PLCL1: variants seen among roughly 807,000 people sequenced by gnomAD.
PLCL1 encodes inactive phospholipase C-like protein 1.
In PLCL1, 41 loss-of-function variants were observed where a neutral mutation model predicts 84.4. That is an observed-to-expected ratio of 0.49 (90% CI 0.38 to 0.63). PLCL1 has a LOEUF of 0.63. Among genes scored for constraint, PLCL1 ranks in the 30% least tolerant of loss-of-function variants. PLCL1 has a pLI of 0.00. For missense variants in PLCL1, 1,206 were observed against 1,367.8 expected, an observed-to-expected ratio of 0.88 and a Z score of 1.87; for synonymous variants, 490 against 488.3, an observed-to-expected ratio of 1.00 and a Z score of -0.05.
intron 1 of PLCL1, among the ~76,000 whole-genome samples, chr2:197,807,826 G>C (rs79298086): frequency 2.6e-5 from 4 of 152,154 alleles, no homozygotes; most frequent in Non-Finnish European, 4.4e-5. Context: ...CCACTGAAAG[G>C]TTGTGAATCA....
intron 1 of PLCL1, among the ~76,000 whole-genome samples, chr2:197,918,969 C>CACACACA (rs1369678298): frequency 6.8e-6 from 1 of 146,868 alleles, no homozygotes; most frequent in African/African-American, 2.5e-5. Flanking sequence ...TCTCTCTCTC[C>CACACACA]CTCACACACA....
chr2:198,088,780 CT>C (rs1431264156), intron 2 of PLCL1, 77 bp from the exon 3 acceptor site: 2 of 853,132 alleles, frequency 2.3e-6, no homozygotes, highest in Non-Finnish European at 2.1e-6. Context: ...AATGAATGTA[CT>C]TTTCTGTAAA....
rs137914944 is a variant in PLCL1, at chr2:197,927,328, G to A, written c.240+121989G>A. The stretch of plus-strand genomic sequence containing the variant: ...ATGTCATTTAATGTTATTTAATTCT[G>A]TCTCCATTCATTGCTTTAACTCATC... On this transcript the variant is annotated intron_variant, in intron 1 of 5. Transcript: ENST00000428675. 4.6e-5 allele frequency among the ~76,000 whole-genome samples: 7 copies of A among 152,280 alleles called. No individual in the cohort carries two copies. In the South Asian group the frequency reaches 1.4e-3, roughly 32 times the overall value.
intron 1 of PLCL1, among the ~76,000 whole-genome samples, chr2:198,067,907 T>C (rs941276523): frequency 1.1e-4 from 16 of 152,242 alleles, no homozygotes; most frequent in Non-Finnish European, 2.2e-4. Context: ...AAAGTAATAA[T>C]GAACACAGTC....
intron 1 of PLCL1, among the ~76,000 whole-genome samples, chr2:197,958,361 TA>T (rs35333689): frequency 1.1e-4 from 17 of 149,930 alleles, no homozygotes; most frequent in Non-Finnish European, 2.1e-4. Context: ...GCTTATGAGC[TA>T]AAAAAAAAGA....
chr2:197,912,976 A>G (rs1455775832), intron 1 of PLCL1, among the ~76,000 whole-genome samples: 1 of 152,070 alleles, frequency 6.6e-6, no homozygotes, highest in Non-Finnish European at 1.5e-5. Context: ...AAAAAAAAGA[A>G]AAATGAAAAG....
At chr2:197,881,343 T>C (rs1687824084) in intron 1 of PLCL1, among the ~76,000 whole-genome samples, 1 of 152,172 alleles carries the variant, frequency 6.6e-6, no homozygotes, top group Non-Finnish European at 1.5e-5. Flanking sequence ...ATCTCTGTTA[T>C]AGGGGGACAG....
At chr2:198,091,026 T>C (rs1438170016) in intron 3 of PLCL1, among the ~76,000 whole-genome samples, 2 of 152,218 alleles carry the variant, frequency 1.3e-5, no homozygotes, top group Non-Finnish European at 2.9e-5. Context: ...TTTTCAAAGA[T>C]TAAAATAAAA....
At chr2:198,098,177 A>C (rs548097116) in intron 3 of PLCL1, among the ~76,000 whole-genome samples, 1 of 152,308 alleles carries the variant, frequency 6.6e-6, no homozygotes, top group Non-Finnish European at 1.5e-5. Flanking sequence ...CAGTGTTCTG[A>C]AAAGGAGAGG....
rs115063669 is a variant in PLCL1, at chr2:197,898,260, C to T, written c.240+92921C>T. Among the ~76,000 whole-genome samples the T allele has an allele frequency of 2.7e-3, 407 of 152,234 alleles. 2 individuals carry two copies. Among genetic ancestry groups the T allele is most frequent in the Admixed American group, 4.3e-3 (66 of 15,302 alleles). On this transcript the variant is annotated intron_variant, in intron 1 of 5. Transcript: ENST00000428675. Reference sequence around the variant, plus strand: ...TGGGGGCCTTCTTGCCTTAACTATGCCATGAGGTAGGTTACTGGGCTCAAG... The same window carrying T: ...TGGGGGCCTTCTTGCCTTAACTATGTCATGAGGTAGGTTACTGGGCTCAAG...
intron 1 of PLCL1, among the ~76,000 whole-genome samples, chr2:197,858,146 GA>G (rs1395127450): frequency 6.6e-6 from 1 of 152,134 alleles, no homozygotes; most frequent in Non-Finnish European, 1.5e-5. Context: ...AGGTCAAAAT[GA>G]ATATGTGATC....
At chr2:198,064,776 T>G (rs959753452) in intron 1 of PLCL1, among the ~76,000 whole-genome samples, 3 of 152,192 alleles carry the variant, frequency 2.0e-5, no homozygotes, top group Non-Finnish European at 4.4e-5. Flanking sequence ...GTACTTCTTC[T>G]ATAGGATTTT....
intron 1 of PLCL1, among the ~76,000 whole-genome samples, chr2:197,877,777 TAAATGAAATAA>T (rs1437015322): frequency 2.6e-5 from 4 of 152,058 alleles, no homozygotes; most frequent in Admixed American, 1.3e-4. Flanking sequence ...GAGGTTAGAA[TAAATGAAATAA>T]AAATGAAATT....
chr2:197,893,096 C>T (rs1209152326), intron 1 of PLCL1, among the ~76,000 whole-genome samples: 1 of 152,178 alleles, frequency 6.6e-6, no homozygotes, highest in Non-Finnish European at 1.5e-5. Flanking sequence ...TACAAAGCCA[C>T]CATTGCTTAT....
intron 1 of PLCL1, among the ~76,000 whole-genome samples, chr2:197,841,883 A>C (rs1193537539): frequency 6.6e-6 from 1 of 152,200 alleles, no homozygotes; most frequent in African/African-American, 2.4e-5. Flanking sequence ...AGACCCTTGC[A>C]ATTGATTGGA....
At chr2:197,961,766 G>A (rs962585393) in intron 1 of PLCL1, among the ~76,000 whole-genome samples, 1 of 151,944 alleles carries the variant, frequency 6.6e-6, no homozygotes, top group Non-Finnish European at 1.5e-5. Context: ...TTAGACCTTA[G>A]GGGTTGTTTT....
intron 1 of PLCL1, among the ~76,000 whole-genome samples, chr2:197,868,440 A>G (rs774284584): frequency 6.6e-6 from 1 of 152,180 alleles, no homozygotes; most frequent in African/African-American, 2.4e-5. Context: ...TGTGTACTTT[A>G]TCTTTATTCA....
At chr2:197,859,529 T>A (rs1383592518) in intron 1 of PLCL1, among the ~76,000 whole-genome samples, 1 of 152,196 alleles carries the variant, frequency 6.6e-6, no homozygotes, top group Non-Finnish European at 1.5e-5. Context: ...TATACAGTGA[T>A]GCACCACATA....
intron 1 of PLCL1, among the ~76,000 whole-genome samples, chr2:198,007,296 A>C (rs1016536747): frequency 1.4e-4 from 22 of 152,128 alleles, no homozygotes. Context: ...AGAAATTGGC[A>C]ACTAAAAATT....
Sources: allele counts gnomAD v4.1 joint callset (sites outside exome capture counted in the v4.1 genomes callset), GRCh38; gene constraint gnomAD v4.1.1; transcripts MANE v1.5; gene names NCBI Gene and HGNC (gene_info 2026-07-23, HGNC 2026-07-21).